Variants in CACNB1 observed in about 807,000 individuals in gnomAD.
CACNB1 encodes the protein voltage-dependent L-type calcium channel subunit beta-1.
A neutral mutation model predicts 71.6 loss-of-function variants in CACNB1; 29 were observed. The observed-to-expected ratio is 0.40, with a 90% CI of 0.30 to 0.55. The LOEUF (loss-of-function observed/expected upper bound fraction) is 0.55, where lower values mean the gene tolerates loss of function less well. Among genes scored for constraint, CACNB1 ranks in the 20% least tolerant of loss-of-function variants. CACNB1 has a pLI of 0.38. For synonymous variants in CACNB1, 300 were observed against 319.6 expected (o/e 0.94, Z 0.65); for missense variants, 623 against 801.8 (o/e 0.78, Z 2.69).
rs759353058 is a variant in CACNB1 at position 39,175,670 on chromosome 17, C to G, written c.1333-13G>C. 2.0e-6 allele frequency: 3 copies of G among 1,535,136 alleles called. No individual in the cohort carries two copies. The highest frequency in any genetic ancestry group is 1.4e-5 in the African/African-American group (1 of 72,736). On this transcript the variant is annotated splice_polypyrimidine_tract_variant and intron_variant, in intron 13 of 13. Coordinates refer to ENST00000394303, the MANE Select transcript of CACNB1 (RefSeq NM_000723.5). The surrounding 1 kb of genome is among the most constrained non-coding windows in gnomAD (Gnocchi z 4.7). Reference sequence around the variant, plus strand: ...CAAGGTAGGGTCCCTGGTTAGCAGACGGACAGCACACACCATGCAGATCAG... The same window carrying G: ...CAAGGTAGGGTCCCTGGTTAGCAGAGGGACAGCACACACCATGCAGATCAG...
chr17:39,195,730 C>A lies in CACNB1; in HGVS notation c.85-760G>T, dbSNP rs201312150. Among the ~76,000 whole-genome samples the A allele has an allele frequency of 2.0e-4, 30 of 152,290 alleles. 1 individual carries two copies. The East Asian group carries it at 5.8e-3, about 29-fold the overall frequency. ...GTAGCTACAATCCTCCCCAAGGGGGCAAGAGGGATCAAGCTTCTACCCTGT... is the reference window on the plus strand; with the variant it reads ...GTAGCTACAATCCTCCCCAAGGGGGAAAGAGGGATCAAGCTTCTACCCTGT... On this transcript the variant is annotated intron_variant, in intron 1 of 13. Transcript: ENST00000394303.
In CACNB1 at chr17:39,194,631, C is replaced by T. The variant is rs560282833; in HGVS notation, c.171+253G>A. On this transcript the variant is annotated intron_variant, in intron 2 of 13. Transcript: ENST00000394303. This position sits in a 1 kb window ranked among gnomAD's most constrained non-coding sequence, Gnocchi z 4.6. ...GCCAGGCTGTCCCTGAATGAGATGA[C>T]GCAGGCCAGCAGGCAGCAGGGGAGG... Among the ~76,000 whole-genome samples the T allele has an allele frequency of 9.9e-5, 15 of 151,836 alleles. No individual in the cohort carries two copies. In the East Asian group the frequency reaches 1.2e-3, roughly 12 times the overall value.
intron 4 of CACNB1, 181 bp downstream of exon 4, chr17:39,187,297 TA>T: frequency 1.4e-6 from 1 of 715,426 alleles, no homozygotes; most frequent in African/African-American, 1.8e-5. Flanking sequence ...CCTTCTGACC[TA>T]AGCATTACCA....
chr17:39,176,249 G>T (rs2045574872), intron 13 of CACNB1, among the ~76,000 whole-genome samples: 1 of 152,110 alleles, frequency 6.6e-6, no homozygotes, highest in East Asian at 1.9e-4. Context: ...GAAGGCTGCT[G>T]GGTCTCCCCC....
At chr17:39,182,440 C>A (rs2045795101) in intron 11 of CACNB1, among the ~76,000 whole-genome samples, 2 of 151,996 alleles carry the variant, frequency 1.3e-5, no homozygotes, top group South Asian at 4.2e-4. Flanking sequence ...GTAGCTCACT[C>A]CTGTAATCCC....
chr17:39,193,715 C>T, intron 2 of CACNB1: 1 of 230,784 alleles, frequency 4.3e-6, no homozygotes, highest in South Asian at 4.1e-5. Context: ...CCTGGGTTGG[C>T]AAACACTGAA....
intron 6 of CACNB1, among the ~76,000 whole-genome samples, chr17:39,185,556 GC>G (rs61295679): frequency 5.3e-4 from 80 of 149,946 alleles, no homozygotes; most frequent in African/African-American, 1.5e-3. Context: ...GCAGCCAGCA[GC>G]CCCCCCCCAC....
intron 1 of CACNB1, among the ~76,000 whole-genome samples, chr17:39,195,901 C>G (rs181026134): frequency 2.6e-5 from 4 of 152,146 alleles, no homozygotes; most frequent in African/African-American, 9.7e-5. Flanking sequence ...TCTCAGAGAC[C>G]GGGTGGAGGA....
intron 2 of CACNB1, chr17:39,193,739 T>C: frequency 4.6e-6 from 1 of 215,676 alleles, no homozygotes; most frequent in South Asian, 5.0e-5. Flanking sequence ...GCCAAGGTCC[T>C]TTTCTGCCAA....
chr17:39,195,260 C>T (rs1597720243), intron 1 of CACNB1: 3 of 323,244 alleles, frequency 9.3e-6, no homozygotes, highest in African/African-American at 4.3e-5. Flanking sequence ...GGGGGAGGCG[C>T]GGAGAAGCTG....
At chr17:39,196,784 G>A (rs2046208696) in intron 1 of CACNB1, among the ~76,000 whole-genome samples, 1 of 151,452 alleles carries the variant, frequency 6.6e-6, no homozygotes, top group Admixed American at 6.6e-5. Flanking sequence ...GGCGTTTTTG[G>A]GGCGGGGGTG....
intron 11 of CACNB1, among the ~76,000 whole-genome samples, chr17:39,180,436 T>G (rs2045723865): frequency 6.6e-6 from 1 of 150,810 alleles, no homozygotes; most frequent in Admixed American, 6.6e-5. Context: ...AGGTGGATCT[T>G]TTGAGGTCGG....
rs2045605932 is a variant in CACNB1 at position 39,177,299 on chromosome 17, C to T, written c.1332+51G>A. The T allele has an allele frequency of 1.9e-6, 3 of 1,610,562 alleles. No homozygotes were observed. The African/African-American group carries it at 4.0e-5, about 22-fold the overall frequency. The stretch of plus-strand genomic sequence containing the variant: ...CCACACTGCCCCGCTGTGAGGACTC[C>T]AGCCCGCCCCAGAAGCCGAGGTTTC... On this transcript the variant is annotated intron_variant, in intron 13 of 13. Transcript: ENST00000394303.
intron 3 of CACNB1, 83 bp downstream of exon 3, chr17:39,191,391 G>A (rs1353829405): frequency 1.4e-6 from 2 of 1,395,542 alleles, no homozygotes; most frequent in Non-Finnish European, 1.9e-6. Context: ...TCAAGACTTG[G>A]CCCTGGTTCT....
intron 11 of CACNB1, 25 bp from the exon 12 acceptor site, chr17:39,178,104 A>G (rs1345593485): frequency 6.4e-7 from 1 of 1,551,966 alleles, no homozygotes; most frequent in East Asian, 2.2e-5. Flanking sequence ...GAGAAAAGGA[A>G]GAGGAGCTAG....
At chr17:39,185,992 G>A (rs1254030442) in intron 6 of CACNB1, 2 of 1,613,612 alleles carry the variant, frequency 1.2e-6, no homozygotes, top group East Asian at 4.5e-5. Context: ...GTGGCGGGGT[G>A]GTGACACTGC....
intron 3 of CACNB1, among the ~76,000 whole-genome samples, 163 bp downstream of exon 3, chr17:39,191,311 G>A (rs1457410823): frequency 1.4e-5 from 2 of 147,864 alleles, no homozygotes; most frequent in Non-Finnish European, 3.0e-5. Context: ...AAGCAGGCAG[G>A]TATTATAGCC....
intron 11 of CACNB1, among the ~76,000 whole-genome samples, chr17:39,179,536 G>A (rs528962600): frequency 5.4e-5 from 8 of 148,718 alleles, no homozygotes; most frequent in Non-Finnish European, 8.9e-5. Flanking sequence ...AGCTGAGATC[G>A]CCACTGCACT....
Position 39,177,506 on chromosome 17 carries a change from G to A in CACNB1, c.1176C>T (p.Asn392=), listed in dbSNP as rs1373123954. Residue 392 remains asparagine, a synonymous_variant, in exon 13 of 14, where the codon AAC becomes AAT. Transcript: ENST00000394303. ...GATGCTCGCAGGCATCCTCCAATTG[G>A]TTCTCATCCAGGATGATGTCAAACA... The part of the protein sequence containing the change: ...PEMFDIILDE[N]QLEDACEHLA... 1.2e-6 allele frequency: 2 copies of A among 1,603,824 alleles called. No homozygotes were observed. The highest frequency in any genetic ancestry group is 2.7e-5 in the African/African-American group (2 of 74,752).
Sources: allele counts gnomAD v4.1 joint callset (sites outside exome capture counted in the v4.1 genomes callset), GRCh38; gene constraint gnomAD v4.1.1; non-coding constraint Gnocchi (gnomAD v3.1); transcripts MANE v1.5; gene names NCBI Gene and HGNC (gene_info 2026-07-23, HGNC 2026-07-21).